Variants in KNL1 observed in about 807,000 individuals in gnomAD.
KNL1 encodes kinetochore scaffold 1, also known as outer kinetochore KNL1 complex subunit KNL1.
In KNL1, 66 loss-of-function variants were observed where a neutral mutation model predicts 201.3. The observed-to-expected ratio is 0.33, with a 90% CI of 0.27 to 0.40. The LOEUF is 0.40. Among genes scored for constraint, KNL1 ranks in the 10% least tolerant of loss-of-function variants. KNL1 has a pLI of 1.00. For synonymous variants in KNL1, 895 were observed against 899.2 expected (o/e 1.00, Z 0.08); for missense variants, 2,815 against 2,690.5 (o/e 1.05, Z -1.02).
rs199756064 is a variant in KNL1, at chr15:40,659,361, T to G, written c.6736T>G (p.Ser2246Ala). Residue 2246 changes from serine (S) to alanine (A), a missense_variant, in exon 25 of 26, where the codon TCC (serine) becomes GCC (alanine). Ser to Ala is a moderately conservative substitution (Grantham distance 99, BLOSUM62 1). Transcript: ENST00000399668. ...CAGATTGAGACTTTTATTCTCTAGC[T>G]CCGCAGCATTTGCAAAGTTTGAAAT... ...NNELRLLFSS[S>A]AAFAKFEITL... 1.9e-6 allele frequency: 3 copies of G among 1,613,120 alleles called. No individual in the cohort carries two copies. Among genetic ancestry groups the G allele is most frequent in the Admixed American group, 3.3e-5 (2 of 59,986 alleles).
Position 40,657,473 on chromosome 15 carries a change from A to G in KNL1, c.6713A>G (p.Glu2238Gly). The G allele has an allele frequency of 7.2e-7, 1 of 1,385,022 alleles. No individual in the cohort carries two copies. The highest frequency in any genetic ancestry group is 1.4e-5 in the African/African-American group (1 of 70,512). 85.8% of individuals were successfully genotyped at this position (1,385,022 alleles called of 1,614,324 possible). Reference sequence around the variant, plus strand: ...ATGAACATAGATATTAATAATAATGAGTAAGTGTATTAGTTCCCAAGGACT... The same window carrying G: ...ATGAACATAGATATTAATAATAATGGGTAAGTGTATTAGTTCCCAAGGACT... ...NLMNIDINNN[E>G]LRLLFSSSAA... Residue 2238 changes from glutamate to glycine, a missense_variant and splice_region_variant, in exon 24 of 26, where the codon GAA (glutamate) becomes GGA (glycine). Glu to Gly is a moderately conservative substitution (Grantham distance 98). Coordinates refer to ENST00000399668, the MANE Select transcript of KNL1 (RefSeq NM_144508.5).
chr15:40,631,641 A>C (rs753774590), intron 13 of KNL1, among the ~76,000 whole-genome samples: 36 of 152,222 alleles, frequency 2.4e-4, no homozygotes, highest in South Asian at 6.2e-4. Context: ...TAATATCCAC[A>C]AAAAAGATAG....
chr15:40,661,206 T>G (rs1192487613), intron 25 of KNL1, among the ~76,000 whole-genome samples: 5 of 151,722 alleles, frequency 3.3e-5, no homozygotes, highest in Admixed American at 3.3e-4. Context: ...AAACTCTTTG[T>G]TTTTGACTGG....
rs975106235 is a variant in KNL1 at position 40,659,407 on chromosome 15, A to G, written c.6782A>G (p.Tyr2261Cys). ...GAAATAACTTTGTTTCTCTCAGCCT[A>G]TTATCCATCTGTACCATTACCTTCC... ...KFEITLFLSAYYPSVPLPSTI... is the reference protein window; with the variant it reads ...KFEITLFLSACYPSVPLPSTI... Residue 2261 changes from tyrosine to cysteine, a missense_variant, in exon 25 of 26, where the codon TAT becomes TGT. Coordinates refer to ENST00000399668, the MANE Select transcript of KNL1 (RefSeq NM_144508.5). The G allele has an allele frequency of 1.9e-6, 3 of 1,613,694 alleles. No individual in the cohort carries two copies. The highest frequency in any genetic ancestry group is 3.3e-4 in the Middle Eastern group (2 of 6,056).
Position 40,621,639 on chromosome 15 carries a change from T to C in KNL1, c.1375T>C (p.Tyr459His). Residue 459 changes from tyrosine to histidine, a missense_variant, in exon 10 of 26, where the codon TAT (tyrosine) becomes CAT (histidine). Around this residue, in one of 3 missense-constraint regions of KNL1, gnomAD observed 2,464 missense variants for 2,291.7 expected, o/e 1.08. Coordinates refer to ENST00000399668, the MANE Select transcript of KNL1 (RefSeq NM_144508.5). ...EKNLLKHDSN[Y>H]AKMYCNPDAM... is the part of the protein sequence containing the mutation. ...AAATTTGCTAAAGCATGACAGTAAT[T>C]ATGCTAAAATGTATTGCAATCCAGA... The C allele has an allele frequency of 6.2e-7, 1 of 1,612,502 alleles. No individual in the cohort carries two copies. Among genetic ancestry groups the C allele is most frequent in the Non-Finnish European group, 8.5e-7 (1 of 1,179,164 alleles).
chr15:40,632,664 C>T (rs1595933865), intron 13 of KNL1, among the ~76,000 whole-genome samples: 1 of 152,030 alleles, frequency 6.6e-6, no homozygotes, highest in Non-Finnish European at 1.5e-5. Flanking sequence ...TGAAATCATA[C>T]ATCTGATAAG....
intron 9 of KNL1, among the ~76,000 whole-genome samples, chr15:40,619,277 C>T (rs570312092): frequency 1.3e-5 from 2 of 151,872 alleles, no homozygotes; most frequent in African/African-American, 4.8e-5. Flanking sequence ...TACTAGTACA[C>T]AAGTCCATAG....
In KNL1 at chr15:40,662,105, G is replaced by C. The variant is rs777220295; in HGVS notation, c.6868G>C (p.Val2290Leu). 6.2e-7 allele frequency: 1 copy of C among 1,609,774 alleles called. No homozygotes were observed. The highest frequency in any genetic ancestry group is 8.5e-7 in the Non-Finnish European group (1 of 1,176,104). The change falls in exon 26 of 26, where the codon GTG becomes CTG. Residue 2290 changes from valine to leucine, a missense_variant. Physicochemically the swap from Val to Leu is conservative, Grantham distance 32 (BLOSUM62 1). This residue lies in a region of KNL1 where 334 missense variants were observed against 362.6 expected (regional missense o/e 0.92). Transcript: ENST00000399668. ...QDDIATILSK[V>L]PLENNYLKNV... ...TGATATTGCTACCATTCTATCTAAA[G>C]TGCCACTGGAGAACAACTACCTGAA...
At position 40,622,941 on chromosome 15, in the gene KNL1, T is replaced by G; in HGVS notation, c.2677T>G (p.Cys893Gly). The change falls in exon 10 of 26, where the codon TGT becomes GGT. Residue 893 changes from cysteine to glycine, a missense_variant. Physicochemically the swap from Cys to Gly is radical, Grantham distance 159. This residue lies in a region of KNL1 where 2,464 missense variants were observed against 2,291.7 expected (regional missense o/e 1.08). Coordinates refer to ENST00000399668, the MANE Select transcript of KNL1 (RefSeq NM_144508.5). The stretch of plus-strand genomic sequence containing the variant: ...TAGACCTTTATTAGAGAAACGTGAT[T>G]GTCATTTGGTGCCATTGGCAGGAAC... Reference protein sequence around the residue: ...NHRPLLEKRDCHLVPLAGTSE... With the variant: ...NHRPLLEKRDGHLVPLAGTSE... The G allele has an allele frequency of 6.2e-7, 1 of 1,613,454 alleles. No homozygotes were observed. The highest frequency in any genetic ancestry group is 1.1e-5 in the South Asian group (1 of 91,034).
intron 8 of KNL1, among the ~76,000 whole-genome samples, chr15:40,617,783 T>C (rs1015962655): frequency 3.3e-5 from 5 of 152,030 alleles, no homozygotes; most frequent in African/African-American, 4.8e-5. Context: ...CCATAGGCAG[T>C]GTGCTCAGAA....
At chr15:40,618,913 T>A in intron 8 of KNL1, 46 bp from the exon 9 acceptor site, 1 of 1,236,644 alleles carries the variant, frequency 8.1e-7, no homozygotes, top group African/African-American at 1.5e-5. Context: ...AAAATCAGGC[T>A]CAGTGTTATA....
At chr15:40,615,960 T>C (rs1892328252) in intron 8 of KNL1, 1 of 122,282 alleles carries the variant, frequency 8.2e-6, no homozygotes, top group Non-Finnish European at 1.7e-5. Flanking sequence ...AGAGACAGGG[T>C]TTTACCATGT....
chr15:40,647,131 C>A, intron 17 of KNL1, 57 bp downstream of exon 17: 1 of 841,804 alleles, frequency 1.2e-6, no homozygotes, highest in Non-Finnish European at 2.0e-6. Context: ...AAATGCTCTC[C>A]TACAGTAGAG....
chr15:40,651,734 G>C (rs181559452), intron 20 of KNL1, among the ~76,000 whole-genome samples, 162 bp downstream of exon 20: 3 of 152,320 alleles, frequency 2.0e-5, no homozygotes, highest in African/African-American at 7.2e-5. Context: ...TGGAAATAGA[G>C]TAGAAGAACT....
chr15:40,624,030 G>C lies in KNL1; in HGVS notation c.3766G>C (p.Val1256Leu). The change falls in exon 10 of 26, where the codon GTC becomes CTC. Residue 1256 changes from valine to leucine, a missense_variant. Transcript: ENST00000399668. ...TCATAGTGCTGCTATGGATGAAAAG[G>C]TCATAGGGAAAGTTGTAGACCAGGC... ...KFHSAAMDEK[V>L]IGKVVDQACT... The C allele has an allele frequency of 6.2e-7, 1 of 1,613,982 alleles. No individual in the cohort carries two copies. The highest frequency in any genetic ancestry group is 1.1e-5 in the South Asian group (1 of 91,082).
At position 40,621,537 on chromosome 15, in the gene KNL1, T is replaced by A. The variant is rs1448914179; in HGVS notation, c.1273T>A (p.Cys425Ser). ...ATATTCTAATCCATCTATTCAAGGT[T>A]GTAAGACTGTTTTCTATTCTAGTTG... The part of the protein sequence containing the change: ...SIYSNPSIQG[C>S]KTVFYSSCND... The change falls in exon 10 of 26, where the codon TGT becomes AGT. Residue 425 changes from cysteine to serine, a missense_variant. Cys to Ser is a moderately radical substitution (Grantham distance 112). Coordinates refer to ENST00000399668, the MANE Select transcript of KNL1 (RefSeq NM_144508.5). 1.9e-6 allele frequency: 3 copies of A among 1,611,936 alleles called. No individual in the cohort carries two copies. Among genetic ancestry groups the A allele is most frequent in the Non-Finnish European group, 2.5e-6 (3 of 1,179,082 alleles).
intron 1 of KNL1, among the ~76,000 whole-genome samples, chr15:40,599,925 C>T (rs982592831): frequency 1.3e-5 from 2 of 151,904 alleles, no homozygotes; most frequent in Admixed American, 6.6e-5. Flanking sequence ...ATCCTCCTGC[C>T]TCAGCCTCCC....
rs2141726478 is a variant in KNL1, at chr15:40,625,040, G to A, written c.4776G>A (p.Lys1592=). The A allele has an allele frequency of 6.2e-7, 1 of 1,613,750 alleles. No homozygotes were observed. The highest frequency in any genetic ancestry group is 1.6e-4 in the Middle Eastern group (1 of 6,062). Residue 1592 remains lysine, a synonymous_variant, in exon 10 of 26, where the codon AAG becomes AAA. Transcript: ENST00000399668. The part of the protein sequence containing the change: ...LPEQLLELGN[K]AHNDMHIVQA... ...AGCAATTACTTGAATTAGGAAATAA[G>A]GCACACAATGATATGCATATAGTGC...
chr15:40,597,779 G>A (rs1350925066), intron 1 of KNL1, among the ~76,000 whole-genome samples: 2 of 152,230 alleles, frequency 1.3e-5, no homozygotes, highest in Non-Finnish European at 2.9e-5. Flanking sequence ...GATTGGACAG[G>A]AATTATGCTT....
Sources: allele counts gnomAD v4.1 joint callset (sites outside exome capture counted in the v4.1 genomes callset), GRCh38; gene constraint gnomAD v4.1.1; regional missense constraint gnomAD v4.1.1; transcripts MANE v1.5; gene names NCBI Gene and HGNC (gene_info 2026-07-23, HGNC 2026-07-21).